MOB3B: variants seen among roughly 807,000 people sequenced by gnomAD.
MOB3B encodes the protein MOB kinase activator-like 2B.
MOB3B carries 7 observed loss-of-function variants against 18.7 expected under a neutral mutation model. The ratio of observed to expected loss-of-function variants is 0.37; its 90% CI spans 0.21 to 0.70. The LOEUF is 0.70. Among genes scored for constraint, MOB3B ranks in the 30% least tolerant of loss-of-function variants. The probability of loss-of-function intolerance (pLI) is 0.52; values close to 1 mark genes in which losing one functional copy is unlikely to be tolerated. For synonymous variants in MOB3B, 111 were observed against 99.9 expected (o/e 1.11, Z -0.66); for missense variants, 253 against 281.3 (o/e 0.90, Z 0.72).
chr9:27,412,930 C>T (rs1011895632), intron 2 of MOB3B, among the ~76,000 whole-genome samples: 1 of 152,208 alleles, frequency 6.6e-6, no homozygotes, highest in African/African-American at 2.4e-5. Context: ...ATGGACCACG[C>T]TGAGGGACCA....
chr9:27,326,510 G>A lies in MOB3B; in HGVS notation c.*4077C>T. The A allele has an allele frequency of 5.0e-6, 2 of 398,576 alleles. No homozygotes were observed. The allele number at this position is 398,576 out of a possible 1,614,324, so 24.7% of individuals were successfully genotyped here. ...GTTGAATGGAATTCAAGATGTTGTG[G>A]AGGGTTCAGTGGGTTGGTTATACCA... On this transcript the variant is annotated 3_prime_UTR_variant, in exon 4 of 4. Transcript: ENST00000262244.
intron 2 of MOB3B, among the ~76,000 whole-genome samples, chr9:27,439,626 A>G (rs1822564450): frequency 1.3e-5 from 2 of 152,138 alleles, no homozygotes; most frequent in South Asian, 4.1e-4. Flanking sequence ...TTCTGCAGGG[A>G]CCTCATGCTT....
chr9:27,406,136 G>A lies in MOB3B; in HGVS notation c.419-46900C>T, dbSNP rs545177803. ...ATCAGAAAACAATGAAGTCAAACTA[G>A]CCTTGTGTGCAGATGCTATGATCTT... On this transcript the variant is annotated intron_variant, in intron 2 of 3. Transcript: ENST00000262244. 7.2e-5 allele frequency among the ~76,000 whole-genome samples: 11 copies of A among 152,278 alleles called. No homozygotes were observed. The South Asian group carries it at 2.1e-3, about 29-fold the overall frequency.
chr9:27,460,732 T>C (rs141639951), intron 1 of MOB3B, among the ~76,000 whole-genome samples: 32 of 152,270 alleles, frequency 2.1e-4, no homozygotes, highest in African/African-American at 6.7e-4. Context: ...GGATGATTCA[T>C]TTCCTATAGG....
At chr9:27,355,486 T>C (rs1202895914) in intron 3 of MOB3B, among the ~76,000 whole-genome samples, 1 of 152,122 alleles carries the variant, frequency 6.6e-6, no homozygotes, top group African/African-American at 2.4e-5. Flanking sequence ...GGGTCAAAAA[T>C]GGGTGACATT....
intron 2 of MOB3B, 122 bp from the exon 3 acceptor site, chr9:27,359,358 T>A (rs1821239419): frequency 4.2e-6 from 2 of 477,244 alleles, no homozygotes; most frequent in Non-Finnish European, 7.3e-6. Flanking sequence ...GTCACAGGAG[T>A]CATAGGGAGT....
At chr9:27,463,873 C>T (rs1202246873) in intron 1 of MOB3B, among the ~76,000 whole-genome samples, 1 of 152,038 alleles carries the variant, frequency 6.6e-6, no homozygotes, top group Non-Finnish European at 1.5e-5. Context: ...GGAGGATCAC[C>T]TGAGCCTGGG....
intron 1 of MOB3B, among the ~76,000 whole-genome samples, chr9:27,505,182 G>A (rs891521846): frequency 2.0e-5 from 3 of 152,030 alleles, no homozygotes; most frequent in Admixed American, 6.5e-5. Context: ...CTACCATACC[G>A]CATCATGTTT....
intron 1 of MOB3B, among the ~76,000 whole-genome samples, chr9:27,512,963 C>G (rs1416081871): frequency 2.0e-5 from 3 of 152,104 alleles, no homozygotes; most frequent in Admixed American, 6.6e-5. Context: ...CAGGCCAAAC[C>G]TGGGAAATTC....
chr9:27,486,006 G>T (rs1320469715), intron 1 of MOB3B, among the ~76,000 whole-genome samples: 7 of 152,198 alleles, frequency 4.6e-5, no homozygotes, highest in Non-Finnish European at 8.8e-5. Context: ...ATGAATGAAA[G>T]ATATAACTCT....
chr9:27,432,903 G>A (rs1014994995), intron 2 of MOB3B, among the ~76,000 whole-genome samples: 6 of 151,994 alleles, frequency 3.9e-5, no homozygotes, highest in African/African-American at 1.2e-4. Context: ...TTCCATCTTT[G>A]CTAAAAGCAC....
At chr9:27,525,572 T>A (rs1820424233) in intron 1 of MOB3B, among the ~76,000 whole-genome samples, 1 of 152,192 alleles carries the variant, frequency 6.6e-6, no homozygotes, top group African/African-American at 2.4e-5. Flanking sequence ...ATTGGATGGA[T>A]GGTTGAATTA....
intron 1 of MOB3B, among the ~76,000 whole-genome samples, chr9:27,471,427 C>T (rs1008888750): frequency 2.6e-5 from 4 of 152,214 alleles, no homozygotes; most frequent in Admixed American, 6.5e-5. Context: ...GAGGCTAGTT[C>T]AATGAACCAC....
At chr9:27,520,860 C>T (rs1488410034) in intron 1 of MOB3B, among the ~76,000 whole-genome samples, 1 of 152,238 alleles carries the variant, frequency 6.6e-6, no homozygotes, top group East Asian at 1.9e-4. Flanking sequence ...AATAAAGACA[C>T]CCAGTTAAAT....
At chr9:27,420,467 CATATTCCATCTATATATTTCATAT>C in intron 2 of MOB3B, among the ~76,000 whole-genome samples, 3 of 147,136 alleles carry the variant, frequency 2.0e-5, no homozygotes, top group East Asian at 2.0e-4. Flanking sequence ...ATTCCATCTA[CATATTCCATCTATATATTTCATAT>C]ATATTCCATC....
chr9:27,357,038 G>T, intron 3 of MOB3B, among the ~76,000 whole-genome samples: 1 of 146,958 alleles, frequency 6.8e-6, no homozygotes, highest in African/African-American at 2.5e-5. Flanking sequence ...GAAGAAAATA[G>T]GCTCTTTTTA....
chr9:27,353,169 C>G (rs1821131334), intron 3 of MOB3B, among the ~76,000 whole-genome samples: 1 of 152,200 alleles, frequency 6.6e-6, no homozygotes, highest in African/African-American at 2.4e-5. Context: ...TCTTTTCCCT[C>G]AACGTGTGGT....
At chr9:27,513,103 C>T (rs528273651) in intron 1 of MOB3B, among the ~76,000 whole-genome samples, 1 of 152,094 alleles carries the variant, frequency 6.6e-6, no homozygotes, top group Non-Finnish European at 1.5e-5. Flanking sequence ...TTACTGATTA[C>T]CAAAAAACTA....
intron 3 of MOB3B, among the ~76,000 whole-genome samples, chr9:27,348,790 A>T (rs1821066918): frequency 6.6e-6 from 1 of 152,242 alleles, no homozygotes; most frequent in Non-Finnish European, 1.5e-5. Context: ...TCTGTAGAAG[A>T]TACATGGTGA....
Sources: allele counts gnomAD v4.1 joint callset (sites outside exome capture counted in the v4.1 genomes callset), GRCh38; gene constraint gnomAD v4.1.1; transcripts MANE v1.5; gene names NCBI Gene and HGNC (gene_info 2026-07-23, HGNC 2026-07-21).